PCSK5: variants seen among roughly 807,000 people sequenced by gnomAD.
PCSK5 encodes proprotein convertase subtilisin/kexin type 5.
In PCSK5, 129 loss-of-function variants were observed where a neutral mutation model predicts 233.2. The observed-to-expected ratio is 0.55, with a 90% CI of 0.48 to 0.64. The LOEUF (loss-of-function observed/expected upper bound fraction) is 0.64. PCSK5 is among the 30% of genes least tolerant of loss of function. The pLI is 0.00. For missense variants in PCSK5, 2,076 were observed against 2,430.1 expected, an observed-to-expected ratio of 0.85 and a Z score of 3.06; for synonymous variants, 825 against 879.2, an observed-to-expected ratio of 0.94 and a Z score of 1.09.
At chr9:76,248,817 C>T (rs1375016809) in intron 24 of PCSK5, among the ~76,000 whole-genome samples, 1 of 152,152 alleles carries the variant, frequency 6.6e-6, no homozygotes, top group Admixed American at 6.5e-5. Context: ...ACAGGGTCCC[C>T]CTGTCATCCA....
chr9:76,199,906 C>T (rs1160481877), intron 20 of PCSK5, among the ~76,000 whole-genome samples: 1 of 152,006 alleles, frequency 6.6e-6, no homozygotes, highest in Non-Finnish European at 1.5e-5. Flanking sequence ...CTTCAGACAC[C>T]CCAACCCCCT....
At chr9:76,079,053 G>A (rs1274325920) in intron 7 of PCSK5, among the ~76,000 whole-genome samples, 2 of 151,630 alleles carry the variant, frequency 1.3e-5, no homozygotes, top group East Asian at 1.9e-4. Flanking sequence ...TTGGTTAGAC[G>A]CATCCTTAGG....
chr9:75,985,123 A>C (rs987716496), intron 2 of PCSK5, among the ~76,000 whole-genome samples: 4 of 152,176 alleles, frequency 2.6e-5, no homozygotes, highest in Non-Finnish European at 5.9e-5. Flanking sequence ...CAAACAAAGG[A>C]GCATTTAGGC....
At chr9:76,051,100 C>T (rs73650427) in intron 5 of PCSK5, among the ~76,000 whole-genome samples, 9,728 of 152,198 alleles carry the variant, frequency 0.064, 1,015 homozygotes, top group African/African-American at 0.22. Flanking sequence ...AATGCTAAGA[C>T]TTCATCATTT....
At chr9:76,112,854 T>C (rs1832279771) in intron 9 of PCSK5, among the ~76,000 whole-genome samples, 1 of 152,090 alleles carries the variant, frequency 6.6e-6, no homozygotes, top group Non-Finnish European at 1.5e-5. Context: ...GGTGCAGGAC[T>C]TGGATGAAAA....
rs375016247 is a variant in PCSK5, at chr9:76,068,063, G to A, written c.721+20G>A. ...TCGGAGGTATGGGAAACCAACTCAC[G>A]TGGATGTAGAAATGCGCCAGTTAGC... On this transcript the variant is annotated intron_variant, in intron 6 of 37. Coordinates refer to ENST00000674117, the MANE Select transcript of PCSK5 (RefSeq NM_001372043.1). The A allele has an allele frequency of 1.8e-5, 29 of 1,571,986 alleles. 1 individual carries two copies. Among genetic ancestry groups the A allele is most frequent in the East Asian group, 4.5e-5 (2 of 44,666 alleles).
intron 5 of PCSK5, among the ~76,000 whole-genome samples, chr9:76,066,190 G>A (rs1830281109): frequency 6.6e-6 from 1 of 152,116 alleles, no homozygotes; most frequent in Admixed American, 6.5e-5. Context: ...TATTTTGATA[G>A]GGATTGCATT....
At chr9:75,917,902 T>G (rs1823073368) in intron 1 of PCSK5, among the ~76,000 whole-genome samples, 1 of 152,160 alleles carries the variant, frequency 6.6e-6, no homozygotes, top group Non-Finnish European at 1.5e-5. Context: ...TAAAGTAAAA[T>G]ATGGCAGGAC....
At chr9:76,284,449 C>T (rs959758644) in intron 24 of PCSK5, among the ~76,000 whole-genome samples, 4 of 151,642 alleles carry the variant, frequency 2.6e-5, no homozygotes, top group African/African-American at 9.7e-5. Flanking sequence ...CATGTCTTTG[C>T]TTCTCCTTCA....
At chr9:76,210,137 G>A (rs569977348) in intron 20 of PCSK5, among the ~76,000 whole-genome samples, 2 of 152,244 alleles carry the variant, frequency 1.3e-5, no homozygotes, top group South Asian at 4.2e-4. Context: ...TTTTTTAGGG[G>A]AGGTCAAAGA....
intron 7 of PCSK5, among the ~76,000 whole-genome samples, chr9:76,094,311 G>C (rs997898976): frequency 5.3e-5 from 8 of 152,044 alleles, no homozygotes; most frequent in African/African-American, 1.7e-4. Flanking sequence ...TTCCACCTGG[G>C]GACCAGAAAA....
intron 9 of PCSK5, among the ~76,000 whole-genome samples, chr9:76,127,109 A>G (rs1822537669): frequency 2.3e-5 from 1 of 43,386 alleles, no homozygotes; most frequent in Non-Finnish European, 6.1e-5. Flanking sequence ...CTCAACAGGA[A>G]AAAAATGGGA....
intron 30 of PCSK5, among the ~76,000 whole-genome samples, 153 bp from the exon 31 acceptor site, chr9:76,321,269 T>A (rs1333110341): frequency 6.6e-6 from 1 of 152,220 alleles, no homozygotes; most frequent in African/African-American, 2.4e-5. Flanking sequence ...TTTTTCTGAA[T>A]GTTCTTTTCA....
intron 32 of PCSK5, among the ~76,000 whole-genome samples, chr9:76,325,487 G>A (rs1276834593): frequency 2.6e-5 from 4 of 152,250 alleles, no homozygotes; most frequent in African/African-American, 9.6e-5. Context: ...TGCTTAGTGT[G>A]GGTTGAGAGC....
At chr9:76,271,862 A>G (rs1376833135) in intron 24 of PCSK5, among the ~76,000 whole-genome samples, 2 of 152,082 alleles carry the variant, frequency 1.3e-5, no homozygotes, top group African/African-American at 2.4e-5. Context: ...TTTATCTTGC[A>G]GCTGCATAAC....
chr9:75,929,332 C>G (rs1823669111), intron 1 of PCSK5, among the ~76,000 whole-genome samples: 1 of 152,192 alleles, frequency 6.6e-6, no homozygotes, highest in Non-Finnish European at 1.5e-5. Context: ...GTGAGCAAAA[C>G]AGATGTTTTC....
intron 37 of PCSK5, among the ~76,000 whole-genome samples, chr9:76,356,702 G>C (rs1164551379): frequency 6.6e-6 from 1 of 152,004 alleles, no homozygotes; most frequent in East Asian, 1.9e-4. Context: ...TGATAAAATA[G>C]AAAACTTCTT....
chr9:76,130,131 T>C (rs1019795009), intron 9 of PCSK5, among the ~76,000 whole-genome samples: 2 of 152,164 alleles, frequency 1.3e-5, no homozygotes, highest in Non-Finnish European at 2.9e-5. Flanking sequence ...TTTCCTGGTG[T>C]GTTATTTTTC....
At chr9:76,040,891 CT>C (rs1480610798) in intron 5 of PCSK5, among the ~76,000 whole-genome samples, 2 of 152,160 alleles carry the variant, frequency 1.3e-5, no homozygotes, top group Non-Finnish European at 2.9e-5. Flanking sequence ...TAAAAATCTA[CT>C]AGTGATATAC....
Sources: gnomAD v4.1 joint callset for allele counts (sites outside exome capture counted in the v4.1 genomes callset) on GRCh38, gnomAD v4.1.1 for gene constraint, MANE v1.5 for transcripts, NCBI Gene and HGNC (gene_info 2026-07-23, HGNC 2026-07-21) for gene names.